The following COL24A1 variants were observed in gnomAD, a reference collection of about 807,000 sequenced individuals.
COL24A1 encodes collagen alpha-1(XXIV) chain.
A neutral mutation model predicts 253.9 loss-of-function variants in COL24A1; 224 were observed. The observed-to-expected ratio is 0.88, with a 90% CI of 0.79 to 0.99. The LOEUF (loss-of-function observed/expected upper bound fraction) is 0.99. COL24A1 is among the 50% of genes least tolerant of loss of function. COL24A1 has a pLI of 0.00. For missense variants in COL24A1, 2,131 were observed against 2,068.5 expected, an observed-to-expected ratio of 1.03 and a Z score of -0.59; for synonymous variants, 685 against 673.7, an observed-to-expected ratio of 1.02 and a Z score of -0.26.
At position 86,090,186 on chromosome 1, in the gene COL24A1, G is replaced by A. The variant is rs534520362; in HGVS notation, c.1654-959C>T. Among the ~76,000 whole-genome samples, 17 of 152,232 alleles carry A rather than the reference G, an allele frequency of 1.1e-4. No individual in the cohort carries two copies. The East Asian group carries it at 3.1e-3, about 28-fold the overall frequency. On this transcript the variant is annotated intron_variant, in intron 6 of 59. Transcript: ENST00000370571. ...TTTACATTTATTACTCTGATAGAAG[G>A]AAGATAAAACTGCACAAGGAAAGAG...
chr1:85,763,125 G>A (rs1666999347), intron 53 of COL24A1, among the ~76,000 whole-genome samples: 1 of 152,014 alleles, frequency 6.6e-6, no homozygotes, highest in South Asian at 2.1e-4. Context: ...TCTATATAAA[G>A]CTGTTTATAG....
At chr1:85,759,679 T>A (rs1361384990) in intron 55 of COL24A1, among the ~76,000 whole-genome samples, 1 of 152,212 alleles carries the variant, frequency 6.6e-6, no homozygotes, top group African/African-American at 2.4e-5. Flanking sequence ...TTTTCTTACT[T>A]AATCTTCCTG....
chr1:85,965,016 C>T lies in COL24A1; in HGVS notation c.2510G>A (p.Gly837Asp), dbSNP rs201092435. The T allele has an allele frequency of 6.2e-7, 1 of 1,610,048 alleles. No individual in the cohort carries two copies. Among genetic ancestry groups the T allele is most frequent in the South Asian group, 1.1e-5 (1 of 90,378 alleles). Residue 837 changes from glycine to aspartate, a missense_variant, in exon 23 of 60, where the codon GGC (glycine) becomes GAC (aspartate). Coordinates refer to ENST00000370571, the MANE Select transcript of COL24A1 (RefSeq NM_152890.7). ...KGYAGEPGPE[G>D]LKGEVGDQGN... ...TAAAGTCAGTTGCTTTACCTTTAAG[C>T]CTTCTGGTCCTGGTTCACCTGCATA...
intron 55 of COL24A1, among the ~76,000 whole-genome samples, chr1:85,756,488 T>C (rs1043505345): frequency 4.6e-5 from 7 of 151,734 alleles, no homozygotes; most frequent in African/African-American, 1.5e-4. Context: ...GTTAGGAAAA[T>C]GCATGTGAAA....
At chr1:86,016,907 AAC>A (rs1697043513) in intron 19 of COL24A1, among the ~76,000 whole-genome samples, 1 of 152,208 alleles carries the variant, frequency 6.6e-6, no homozygotes, top group Non-Finnish European at 1.5e-5. Flanking sequence ...AGCTGTGCAG[AAC>A]AAATAAATCA....
chr1:85,788,327 G>A (rs1669902192), intron 47 of COL24A1, among the ~76,000 whole-genome samples: 1 of 152,070 alleles, frequency 6.6e-6, no homozygotes, highest in Admixed American at 6.6e-5. Context: ...TCCTGACCTC[G>A]TGATCCGCCC....
At chr1:85,771,251 T>G (rs116725229) in intron 53 of COL24A1, among the ~76,000 whole-genome samples, 19,159 of 151,964 alleles carry the variant, frequency 0.13, 1,371 homozygotes, top group East Asian at 0.22. Flanking sequence ...ATCCCTCACC[T>G]AGCCTCCGAC....
chr1:85,846,872 C>G (rs1390846885), intron 39 of COL24A1, among the ~76,000 whole-genome samples: 2 of 151,976 alleles, frequency 1.3e-5, no homozygotes, highest in East Asian at 3.9e-4. Context: ...GAATAGAATA[C>G]CGAAAATAAG....
intron 47 of COL24A1, among the ~76,000 whole-genome samples, chr1:85,815,510 C>T (rs984823168): frequency 6.6e-6 from 1 of 152,052 alleles, no homozygotes; most frequent in South Asian, 2.1e-4. Flanking sequence ...AAATAGAAAC[C>T]ATGTTAGGAC....
chr1:85,838,998 G>A (rs1247979102), intron 42 of COL24A1, among the ~76,000 whole-genome samples: 2 of 152,188 alleles, frequency 1.3e-5, no homozygotes, highest in Non-Finnish European at 2.9e-5. Flanking sequence ...CCAGGAGTTC[G>A]AGACCAGCCT....
rs545067510 is a variant in COL24A1, at chr1:85,837,801, T to C, written c.3681+784A>G. On this transcript the variant is annotated intron_variant, in intron 43 of 59. Coordinates refer to ENST00000370571, the MANE Select transcript of COL24A1 (RefSeq NM_152890.7). ...ATTTATGTAAGCAAAGATTACATAA[T>C]ATTATAGGCAAATAGAGAATGCTAT... is the stretch of plus-strand genomic sequence containing the variant. Among the ~76,000 whole-genome samples the C allele has an allele frequency of 2.6e-4, 40 of 152,232 alleles. No homozygotes were observed. In the South Asian group the frequency reaches 7.9e-3, roughly 30 times the overall value.
At chr1:86,108,624 A>G (rs10430049) in intron 5 of COL24A1, among the ~76,000 whole-genome samples, 933 of 4,416 alleles carry the variant, frequency 0.21, 17 homozygotes, top group African/African-American at 0.25. Flanking sequence ...CTCTACTAAA[A>G]AAAAAAAAAA....
In COL24A1 at chr1:85,823,561, C is replaced by T; in HGVS notation, c.3764G>A (p.Gly1255Glu). 1 of 1,613,968 alleles carries T rather than the reference C, an allele frequency of 6.2e-7. No homozygotes were observed. Among genetic ancestry groups the T allele is most frequent in the South Asian group, 1.1e-5 (1 of 91,070 alleles). The part of the protein sequence containing the change: ...PGEPGDQGEQ[G>E]LKGERGSEGN... ...TTCAGATCCTCTCTCTCCTTTTAGT[C>T]CTTGTTCACCCTGGTCACCTGGTTC... Residue 1255 changes from glycine (G) to glutamate (E), a missense_variant, in exon 45 of 60, where the codon GGA becomes GAA. Coordinates refer to ENST00000370571, the MANE Select transcript of COL24A1 (RefSeq NM_152890.7).
At chr1:86,151,889 CT>C in intron 1 of COL24A1, among the ~76,000 whole-genome samples, 1 of 152,272 alleles carries the variant, frequency 6.6e-6, no homozygotes. Flanking sequence ...TGGTGGCCTT[CT>C]TTTAAACCAA....
At chr1:85,908,696 T>G in intron 26 of COL24A1, 45 bp from the exon 27 acceptor site, 1 of 843,736 alleles carries the variant, frequency 1.2e-6, no homozygotes, top group Non-Finnish European at 1.7e-6. Context: ...ATTCATGACT[T>G]TAAATTATTT....
chr1:85,985,900 T>A (rs2100907062), intron 20 of COL24A1, among the ~76,000 whole-genome samples: 3 of 151,868 alleles, frequency 2.0e-5, no homozygotes, highest in East Asian at 3.9e-4. Flanking sequence ...TACAGGATGC[T>A]CAATTAAATG....
chr1:86,060,607 A>C (rs754315253), intron 8 of COL24A1, among the ~76,000 whole-genome samples: 5 of 152,056 alleles, frequency 3.3e-5, no homozygotes, highest in Admixed American at 2.6e-4. Context: ...TCTCATTTCT[A>C]TCTCTCATTT....
chr1:85,896,147 A>G, intron 29 of COL24A1, 82 bp from the exon 30 acceptor site: 1 of 1,405,450 alleles, frequency 7.1e-7, no homozygotes, highest in Non-Finnish European at 9.8e-7. Flanking sequence ...GCATACACTC[A>G]CATACAAAAA....
chr1:85,861,371 T>C (rs574423215), intron 37 of COL24A1, among the ~76,000 whole-genome samples: 2 of 152,328 alleles, frequency 1.3e-5, no homozygotes, highest in Non-Finnish European at 2.9e-5. Flanking sequence ...CCTTATCATA[T>C]ATGATTTTCA....
Sources: allele counts gnomAD v4.1 joint callset (sites outside exome capture counted in the v4.1 genomes callset), GRCh38; gene constraint gnomAD v4.1.1; transcripts MANE v1.5; gene names NCBI Gene and HGNC (gene_info 2026-07-23, HGNC 2026-07-21).